Variants in RBBP6 observed in about 807,000 individuals in gnomAD.
RBBP6 encodes E3 ubiquitin-protein ligase RBBP6.
In RBBP6, 25 loss-of-function variants were observed where a neutral mutation model predicts 167.7. The observed-to-expected ratio is 0.15, with a 90% confidence interval of 0.11 to 0.21. The LOEUF is 0.21. Ranked by LOEUF, RBBP6 falls within the 10% of genes least tolerant of loss-of-function variation. The pLI, the probability that RBBP6 is intolerant of heterozygous loss-of-function variation, is 1.00. For missense variants in RBBP6, 1,868 were observed against 2,134.2 expected (o/e 0.88, Z 2.46); for synonymous variants, 789 against 735.8 (o/e 1.07, Z -1.17).
chr16:24,546,089 T>A, intron 1 of RBBP6, 74 bp from the exon 2 acceptor site: 1 of 1,472,312 alleles, frequency 6.8e-7, no homozygotes, highest in Non-Finnish European at 8.9e-7. Context: ...GAAATTTATA[T>A]TTGAAGTTTT....
rs767432208 is a variant in RBBP6, at chr16:24,540,588, C to T, written c.-39C>T. The T allele has an allele frequency of 2.5e-6, 4 of 1,571,342 alleles. No individual in the cohort carries two copies. Among genetic ancestry groups the T allele is most frequent in the East Asian group, 2.2e-5 (1 of 44,544 alleles). ...ATAAATATACGTATATTGAGAGTGTCCACGTCTCCTCGCTGAACCTTAGGA... is the reference window on the plus strand; with the variant it reads ...ATAAATATACGTATATTGAGAGTGTTCACGTCTCCTCGCTGAACCTTAGGA... On this transcript the variant is annotated 5_prime_UTR_variant, in exon 1 of 18. Transcript: ENST00000319715.
chr16:24,568,876 G>A lies in RBBP6; in HGVS notation c.2186G>A (p.Arg729Gln), dbSNP rs1037290084. ...FSRSHSRSYS[R>Q]SPPYPRRGRG... ...CGCTCACATTCTCGTTCCTATTCAC[G>A]GTCACCTCCATACCCCAGAAGAGGC... is the stretch of plus-strand genomic sequence containing the variant. The change falls in exon 17 of 18, where the codon CGG becomes CAG. Residue 729 changes from arginine (R) to glutamine (Q), a missense_variant. Arg to Gln is a conservative substitution (Grantham distance 43, BLOSUM62 1). Transcript: ENST00000319715. 5.6e-6 allele frequency: 9 copies of A among 1,614,072 alleles called. No individual in the cohort carries two copies. Among genetic ancestry groups the A allele is most frequent in the Middle Eastern group, 1.6e-4 (1 of 6,062 alleles).
chr16:24,552,188 A>G (rs1388730083), intron 3 of RBBP6, among the ~76,000 whole-genome samples: 2 of 151,850 alleles, frequency 1.3e-5, no homozygotes, highest in African/African-American at 4.8e-5. Context: ...TAAAACCCTA[A>G]GATATTTGTG....
At chr16:24,562,812 G>A (rs986971160) in intron 10 of RBBP6, among the ~76,000 whole-genome samples, 19 of 152,116 alleles carry the variant, frequency 1.2e-4, no homozygotes, top group Non-Finnish European at 1.9e-4. Context: ...GGTTGATAGT[G>A]GAAATAGGCC....
rs944752296 is a variant in RBBP6 at position 24,572,687 on chromosome 16, A to G, written c.*242A>G. 1.2e-5 allele frequency: 5 copies of G among 416,134 alleles called. No homozygotes were observed. The highest frequency in any genetic ancestry group is 2.1e-5 in the African/African-American group (1 of 48,412). The allele number at this position is 416,134 out of a possible 1,614,324, so 25.8% of individuals were successfully genotyped here. A position where few individuals can be genotyped will look rare whatever the true frequency, so the allele number is the denominator to read the frequency against. On this transcript the variant is annotated 3_prime_UTR_variant, in exon 18 of 18. Coordinates refer to ENST00000319715, the MANE Select transcript of RBBP6 (RefSeq NM_006910.5). ...CTAGGGCCTATTATTTTTAACCACC[A>G]TTAATTAGTTGGGGTGGAGTTTACT...
chr16:24,560,597 T>C (rs888742559), intron 8 of RBBP6, among the ~76,000 whole-genome samples: 9 of 152,228 alleles, frequency 5.9e-5, no homozygotes, highest in Admixed American at 1.3e-4. Flanking sequence ...TTTTGAAATA[T>C]ACAGTCCTCA....
At chr16:24,551,179 G>T (rs1385660176) in intron 3 of RBBP6, among the ~76,000 whole-genome samples, 1 of 151,680 alleles carries the variant, frequency 6.6e-6, no homozygotes, top group Non-Finnish European at 1.5e-5. Flanking sequence ...AATATAATTG[G>T]CATAAAAGAT....
Position 24,571,779 on chromosome 16 carries a change from G to A in RBBP6, c.4713G>A (p.Lys1571=), listed in dbSNP as rs376875546. 4.9e-5 allele frequency: 79 copies of A among 1,613,834 alleles called. No individual in the cohort carries two copies. The highest frequency in any genetic ancestry group is 6.6e-5 in the Non-Finnish European group (78 of 1,179,886). ...AAAATCCTTGTAAGGATCGTGAGAA[G>A]CATGTATTAGAAGCAAGGAACAATA... ...VDKNPCKDRE[K]HVLEARNNKE... is the part of the protein sequence containing the mutation. Residue 1571 remains lysine, a synonymous_variant, in exon 18 of 18, where the codon AAG becomes AAA. Transcript: ENST00000319715.
At chr16:24,561,471 C>T (rs935500768) in intron 8 of RBBP6, 141 bp from the exon 9 acceptor site, 27 of 696,550 alleles carry the variant, frequency 3.9e-5, no homozygotes, top group Non-Finnish European at 6.2e-5. Context: ...ACTTAAGTTT[C>T]TTAATCTAAG....
At chr16:24,553,415 C>T (rs1450889953) in intron 3 of RBBP6, 98 bp from the exon 4 acceptor site, 1 of 970,164 alleles carries the variant, frequency 1.0e-6, no homozygotes, top group Non-Finnish European at 1.6e-6. Context: ...AAGAAAATGC[C>T]CAATATTTCA....
At position 24,541,549 on chromosome 16, in the gene RBBP6, G is replaced by A. The variant is rs560596832; in HGVS notation, c.166+757G>A. ...TAAAGTAGTAGTTGCTAGATTTTAC[G>A]TGACTGTTGATACTAAGGTACTGAA... On this transcript the variant is annotated intron_variant, in intron 1 of 17. Coordinates refer to ENST00000319715, the MANE Select transcript of RBBP6 (RefSeq NM_006910.5). Among the ~76,000 whole-genome samples the A allele has an allele frequency of 6.7e-4, 102 of 152,190 alleles. 1 individual carries two copies. Among genetic ancestry groups the A allele is most frequent in the African/African-American group, 2.4e-3 (99 of 41,536 alleles).
In RBBP6 at chr16:24,572,534, T is replaced by A; in HGVS notation, c.*89T>A. 2.1e-6 allele frequency: 3 copies of A among 1,426,688 alleles called. No homozygotes were observed. Among genetic ancestry groups the A allele is most frequent in the Non-Finnish European group, 1.8e-6 (2 of 1,089,362 alleles). 88.4% of individuals were successfully genotyped at this position (1,426,688 alleles called of 1,614,324 possible). Reference sequence around the variant, plus strand: ...AAAGAGATTCAAGCCTTGTAAATAATGACATGGAAGACCCTGTGCTGCACT... The same window carrying A: ...AAAGAGATTCAAGCCTTGTAAATAAAGACATGGAAGACCCTGTGCTGCACT... On this transcript the variant is annotated 3_prime_UTR_variant, in exon 18 of 18. Transcript: ENST00000319715.
intron 1 of RBBP6, among the ~76,000 whole-genome samples, chr16:24,542,634 T>G (rs1898532513): frequency 6.6e-6 from 1 of 152,092 alleles, no homozygotes; most frequent in South Asian, 2.1e-4. Context: ...AATTTTTTTT[T>G]GTATTTTTAG....
chr16:24,547,425 T>TTA (rs973361467), intron 2 of RBBP6, among the ~76,000 whole-genome samples: 1 of 152,062 alleles, frequency 6.6e-6, no homozygotes, highest in Admixed American at 6.6e-5. Context: ...ATTCTAAGAA[T>TTA]TATATATATA....
rs180775543 is a variant in RBBP6 at position 24,555,486 on chromosome 16, C to T, written c.349-129C>T. 4,118 of 714,198 alleles carry T rather than the reference C, an allele frequency of 5.8e-3. 14 individuals are homozygous for T. Among genetic ancestry groups the T allele is most frequent in the Middle Eastern group, 0.011 (27 of 2,384 alleles). 44.2% of individuals were successfully genotyped at this position (714,198 alleles called of 1,614,324 possible). A position where few individuals can be genotyped will look rare whatever the true frequency, so the allele number is the denominator to read the frequency against. On this transcript the variant is annotated intron_variant, in intron 4 of 17. Coordinates refer to ENST00000319715, the MANE Select transcript of RBBP6 (RefSeq NM_006910.5). ...TCCCAAGTGCCTCTTCCAGGTTATA[C>T]GTGTAAATAGCTGTTTTTATGCAAG...
At chr16:24,549,514 G>A (rs1898746053) in intron 3 of RBBP6, 4 of 376,914 alleles carry the variant, frequency 1.1e-5, no homozygotes, top group Admixed American at 1.3e-4. Flanking sequence ...ATTAAAGTTT[G>A]ATGCTTTCTC....
In RBBP6 at chr16:24,570,011, G is replaced by A; in HGVS notation, c.3321G>A (p.Glu1107=). The A allele has an allele frequency of 6.3e-7, 1 of 1,599,344 alleles. No individual in the cohort carries two copies. ...ACCAAGAAACAAAACCAGTCAAAGA[G>A]GAAAAAGTGAAGAAGGACTATTCCA... The part of the protein sequence containing the change: ...KEHQETKPVK[E]EKVKKDYSKD... Residue 1107 remains glutamate (E), a synonymous_variant, in exon 17 of 18, where the codon GAG becomes GAA. Transcript: ENST00000319715.
intron 3 of RBBP6, 77 bp from the exon 4 acceptor site, chr16:24,553,436 G>T: frequency 8.0e-7 from 1 of 1,246,196 alleles, no homozygotes; most frequent in Non-Finnish European, 1.2e-6. Context: ...ACATTAAGGT[G>T]TCAATAGGGG....
intron 13 of RBBP6, 23 bp from the exon 14 acceptor site, chr16:24,564,774 C>G: frequency 6.2e-7 from 1 of 1,609,550 alleles, no homozygotes; most frequent in Non-Finnish European, 8.5e-7. Context: ...ATACTTGAGC[C>G]TATTTTTTTT....
Sources: allele counts gnomAD v4.1 joint callset (sites outside exome capture counted in the v4.1 genomes callset), GRCh38; gene constraint gnomAD v4.1.1; transcripts MANE v1.5; gene names NCBI Gene and HGNC (gene_info 2026-07-23, HGNC 2026-07-21).